The following SHOC1 variants were observed in gnomAD, a reference collection of about 807,000 sequenced individuals.
SHOC1 encodes the protein shortage in chiasmata 1, also known as protein shortage in chiasmata 1 ortholog.
A neutral mutation model predicts 179.2 loss-of-function variants in SHOC1; 136 were observed. The observed-to-expected ratio is 0.76, with a 90% confidence interval of 0.66 to 0.87. The LOEUF is 0.87. Among genes scored for constraint, SHOC1 ranks in the 40% least tolerant of loss-of-function variants. The probability of loss-of-function intolerance (pLI) is 0.00; values close to 1 mark genes in which losing one functional copy is unlikely to be tolerated. For missense variants in SHOC1, 1,538 were observed against 1,700.8 expected, an observed-to-expected ratio of 0.90 and a Z score of 1.68; for synonymous variants, 489 against 586.6, an observed-to-expected ratio of 0.83 and a Z score of 2.41.
At chr9:111,705,162 AAT>A (rs72047905) in intron 21 of SHOC1, 83 bp downstream of exon 21, 86,188 of 275,900 alleles carry the variant, frequency 0.31, 7,053 homozygotes, top group Admixed American at 0.36. Flanking sequence ...AGCCTATCAG[AAT>A]ATATATACAC....
At chr9:111,725,301 A>C (rs1010384006) in intron 13 of SHOC1, among the ~76,000 whole-genome samples, 1 of 152,180 alleles carries the variant, frequency 6.6e-6, no homozygotes, top group African/African-American at 2.4e-5. Flanking sequence ...TAAGACAAAA[A>C]GTAAAATATA....
chr9:111,791,545 T>A, intron 1 of SHOC1, 91 bp from the exon 2 acceptor site: 1 of 463,610 alleles, frequency 2.2e-6, no homozygotes, highest in East Asian at 3.5e-5. Flanking sequence ...TACTCATTTT[T>A]AAAAAGGCTC....
At chr9:111,736,876 AC>A (rs1833833838) in intron 12 of SHOC1, among the ~76,000 whole-genome samples, 1 of 152,108 alleles carries the variant, frequency 6.6e-6, no homozygotes, top group African/African-American at 2.4e-5. Flanking sequence ...CAAGCAAAAA[AC>A]CACCCCATTA....
intron 2 of SHOC1, among the ~76,000 whole-genome samples, chr9:111,786,503 ATTTTTT>A (rs34413616): frequency 3.6e-5 from 4 of 110,242 alleles, no homozygotes; most frequent in Middle Eastern, 5.0e-3. Flanking sequence ...TGCTCTGCAG[ATTTTTT>A]TTTTTTTTTT....
chr9:111,754,714 C>CAGAT (rs1834776104), intron 8 of SHOC1, among the ~76,000 whole-genome samples: 1 of 152,130 alleles, frequency 6.6e-6, no homozygotes, highest in Admixed American at 6.5e-5. Context: ...TATCTATCAA[C>CAGAT]AGATGTACAG....
At chr9:111,756,177 C>G (rs1261201820) in intron 8 of SHOC1, 148 bp downstream of exon 8, 2 of 547,852 alleles carry the variant, frequency 3.7e-6, no homozygotes, top group Non-Finnish European at 6.0e-6. Flanking sequence ...ATAATCTCAT[C>G]AAAAATAATC....
At chr9:111,757,110 T>C (rs1834897444) in intron 7 of SHOC1, among the ~76,000 whole-genome samples, 1 of 151,934 alleles carries the variant, frequency 6.6e-6, no homozygotes, top group Non-Finnish European at 1.5e-5. Flanking sequence ...AAAAATGTTT[T>C]TTGTGTTTTG....
At chr9:111,764,010 TC>T (rs1835251726) in intron 5 of SHOC1, among the ~76,000 whole-genome samples, 1 of 152,158 alleles carries the variant, frequency 6.6e-6, no homozygotes, top group African/African-American at 2.4e-5. Context: ...TCAACTGCAG[TC>T]CAAAAATACT....
chr9:111,752,712 G>A, intron 8 of SHOC1, among the ~76,000 whole-genome samples: 1 of 152,252 alleles, frequency 6.6e-6, no homozygotes, highest in Middle Eastern at 3.4e-3. Context: ...GAAAAATATG[G>A]TTGTAATGAA....
chr9:111,705,423 C>CA (rs60124253), intron 20 of SHOC1, 59 bp from the exon 21 acceptor site: 6 of 533,376 alleles, frequency 1.1e-5, no homozygotes, highest in African/African-American at 4.0e-5. Context: ...AGCTCTTTCT[C>CA]TTTTTTTTTT....
Position 111,705,230 on chromosome 9 carries a change from T to C in SHOC1, c.2855+17A>G. The C allele has an allele frequency of 7.7e-7, 1 of 1,291,922 alleles. No homozygotes were observed. Among genetic ancestry groups the C allele is most frequent in the Non-Finnish European group, 1.1e-6 (1 of 917,814 alleles). 80.0% of individuals were successfully genotyped at this position (1,291,922 alleles called of 1,614,324 possible). On this transcript the variant is annotated intron_variant, in intron 21 of 27. Coordinates refer to ENST00000682961, the MANE Select transcript of SHOC1 (RefSeq NM_001378211.1). ...ATAATGTACACTTTTGTTAAAATTG[T>C]GAAATCAATAACTTACTTGGATTCT...
At chr9:111,778,417 T>A (rs1375827998) in intron 4 of SHOC1, among the ~76,000 whole-genome samples, 1 of 152,176 alleles carries the variant, frequency 6.6e-6, no homozygotes, top group Non-Finnish European at 1.5e-5. Context: ...ATGGAGCTTA[T>A]CTGCTAAAAG....
Position 111,733,967 on chromosome 9 carries a change from T to C in SHOC1, c.1417+4313A>G, listed in dbSNP as rs374378070. Reference sequence around the variant, plus strand: ...CAGATATTCTCTAGTGGTAATCTGGTATGTTCAGCAGGTGAATAGAAACTG... The same window carrying C: ...CAGATATTCTCTAGTGGTAATCTGGCATGTTCAGCAGGTGAATAGAAACTG... On this transcript the variant is annotated intron_variant, in intron 12 of 27. Coordinates refer to ENST00000682961, the MANE Select transcript of SHOC1 (RefSeq NM_001378211.1). Among the ~76,000 whole-genome samples, 58 of 152,300 alleles carry C rather than the reference T, an allele frequency of 3.8e-4. No homozygotes were observed. In the South Asian group the frequency reaches 4.8e-3, roughly 13 times the overall value.
chr9:111,776,759 T>A (rs934154421), intron 4 of SHOC1, among the ~76,000 whole-genome samples: 1 of 152,216 alleles, frequency 6.6e-6, no homozygotes, highest in African/African-American at 2.4e-5. Flanking sequence ...ACAGCCCTAC[T>A]CCTGTAGTTC....
intron 5 of SHOC1, among the ~76,000 whole-genome samples, chr9:111,763,013 T>C (rs1025038209): frequency 4.6e-5 from 7 of 152,082 alleles, no homozygotes; most frequent in Non-Finnish European, 8.8e-5. Context: ...ATCAACTGCC[T>C]TTTGTTATAT....
intron 5 of SHOC1, among the ~76,000 whole-genome samples, chr9:111,761,467 A>G (rs1835133016): frequency 6.6e-6 from 1 of 152,138 alleles, no homozygotes; most frequent in African/African-American, 2.4e-5. Context: ...ACACCACTGC[A>G]CTCCAGCCTG....
chr9:111,780,589 A>T (rs984813477), intron 4 of SHOC1, among the ~76,000 whole-genome samples: 1 of 152,212 alleles, frequency 6.6e-6, no homozygotes, highest in African/African-American at 2.4e-5. Flanking sequence ...TAAATAATAA[A>T]TAATGTTTTG....
chr9:111,744,248 T>A (rs985727631), intron 10 of SHOC1, among the ~76,000 whole-genome samples: 9 of 152,192 alleles, frequency 5.9e-5, no homozygotes, highest in Non-Finnish European at 1.3e-4. Context: ...AAAAACAGTA[T>A]ATGTCCTGCA....
In SHOC1 at chr9:111,727,746, T is replaced by C. The variant is rs1464688021; in HGVS notation, c.1721A>G (p.His574Arg). 1.9e-6 allele frequency: 3 copies of C among 1,613,492 alleles called. No individual in the cohort carries two copies. Among genetic ancestry groups the C allele is most frequent in the Admixed American group, 3.3e-5 (2 of 59,982 alleles). ...SSIIKKASFE[H>R]GKKQENDLDL... is the part of the protein sequence containing the mutation. ...CAAATCATTCTCTTGTTTTTTGCCA[T>C]GTTCAAAAGATGCTTTTTTAATTAT... The change falls in exon 13 of 28, where the codon CAT becomes CGT. Residue 574 changes from histidine to arginine, a missense_variant. His to Arg is a conservative substitution (Grantham distance 29, BLOSUM62 0). Coordinates refer to ENST00000682961, the MANE Select transcript of SHOC1 (RefSeq NM_001378211.1).
Sources: allele counts gnomAD v4.1 joint callset (sites outside exome capture counted in the v4.1 genomes callset), GRCh38; gene constraint gnomAD v4.1.1; transcripts MANE v1.5; gene names NCBI Gene and HGNC (gene_info 2026-07-23, HGNC 2026-07-21).